The following ANKRD11 variants were observed in gnomAD, a reference collection of about 807,000 sequenced individuals.
The protein encoded by ANKRD11 is ankyrin repeat domain 11, also known as ankyrin repeat domain-containing protein 11.
A neutral mutation model predicts 195.7 loss-of-function variants in ANKRD11; 17 were observed. The observed-to-expected ratio is 0.09, with a 90% confidence interval of 0.06 to 0.13. The LOEUF is 0.13. Among genes scored for constraint, ANKRD11 ranks in the 10% least tolerant of loss-of-function variants. ANKRD11 has a pLI of 1.00. For synonymous variants in ANKRD11, 1,953 were observed against 1,528.1 expected (o/e 1.28, Z -6.49); for missense variants, 3,735 against 3,566.1 (o/e 1.05, Z -1.21).
At position 89,313,668 on chromosome 16, in the gene ANKRD11, C is replaced by T. The variant is rs1043150530; in HGVS notation, c.87+3265G>A. The T allele has an allele frequency of 1.9e-5, 23 of 1,196,992 alleles. No individual in the cohort carries two copies. The Middle Eastern group carries it at 4.4e-3, about 231-fold the overall frequency. 74.1% of individuals were successfully genotyped at this position (1,196,992 alleles called of 1,614,324 possible). On this transcript the variant is annotated intron_variant, in intron 3 of 12. Coordinates refer to ENST00000301030, the MANE Select transcript of ANKRD11 (RefSeq NM_013275.6). ...TTATGGTAGAAGACTGAGCAGAAAC[C>T]ATTTCAGCCTGTACCAGGAGAAGGC...
chr16:89,427,992 G>C (rs2042791926), intron 1 of ANKRD11, among the ~76,000 whole-genome samples: 2 of 151,732 alleles, frequency 1.3e-5, no homozygotes, highest in South Asian at 2.1e-4. Context: ...TGGATCACTT[G>C]AGGTCAGCAG....
At chr16:89,276,954 G>A (rs2151713526) in intron 9 of ANKRD11, among the ~76,000 whole-genome samples, 1 of 152,020 alleles carries the variant, frequency 6.6e-6, no homozygotes, top group South Asian at 2.1e-4. Flanking sequence ...TACTCAGGAG[G>A]CTGAGGCAGG....
intron 3 of ANKRD11, among the ~76,000 whole-genome samples, chr16:89,310,733 C>T (rs1957246158): frequency 6.6e-6 from 1 of 152,216 alleles, no homozygotes; most frequent in Admixed American, 6.5e-5. Flanking sequence ...AATTTCAGCC[C>T]TCTATTATTT....
intron 2 of ANKRD11, chr16:89,403,492 G>A (rs911482432): frequency 6.6e-6 from 1 of 152,130 alleles, no homozygotes; most frequent in Non-Finnish European, 1.5e-5. Flanking sequence ...CCCCCAGGAA[G>A]CCCACACATA....
chr16:89,425,172 T>A (rs1208221097), intron 1 of ANKRD11, among the ~76,000 whole-genome samples: 5 of 151,896 alleles, frequency 3.3e-5, no homozygotes, highest in Non-Finnish European at 7.4e-5. Context: ...ATCCTCACAA[T>A]AATCCCACAG....
At chr16:89,467,084 C>T (rs750779337) in intron 1 of ANKRD11, among the ~76,000 whole-genome samples, 6 of 152,080 alleles carry the variant, frequency 3.9e-5, no homozygotes, top group East Asian at 1.9e-4. Context: ...AGTGAGAAGG[C>T]GCAGGGAGAA....
intron 1 of ANKRD11, among the ~76,000 whole-genome samples, chr16:89,422,635 T>A (rs1362341389): frequency 6.6e-6 from 1 of 152,216 alleles, no homozygotes. Flanking sequence ...TGAGAGCTGC[T>A]TTACTCACTG....
Position 89,284,936 on chromosome 16 carries a change from G to A in ANKRD11, c.1606C>T (p.Pro536Ser), listed in dbSNP as rs370961682. 7 of 1,614,176 alleles carry A rather than the reference G, an allele frequency of 4.3e-6. No individual in the cohort carries two copies. Among genetic ancestry groups the A allele is most frequent in the Non-Finnish European group, 5.9e-6 (7 of 1,180,030 alleles). ...TTGGTGTGCTGGTCTGTGTGGCTGG[G>A]GTTCTGCTTCTGGGCGGCAGAGCTC... Reference protein sequence around the residue: ...HGSSAAQKQNPSHTDQHTKHW... With the variant: ...HGSSAAQKQNSSHTDQHTKHW... The change falls in exon 9 of 13, where the codon CCC (proline) becomes TCC (serine). Residue 536 changes from proline to serine, a missense_variant. Transcript: ENST00000301030.
intron 4 of ANKRD11, among the ~76,000 whole-genome samples, chr16:89,302,399 C>G (rs9939826): frequency 6.6e-6 from 1 of 152,168 alleles, no homozygotes; most frequent in Non-Finnish European, 1.5e-5. Context: ...ATTACAGGCA[C>G]CCGCCGCCAC....
chr16:89,462,283 C>T (rs2056706372), intron 1 of ANKRD11, among the ~76,000 whole-genome samples: 1 of 152,134 alleles, frequency 6.6e-6, no homozygotes, highest in Non-Finnish European at 1.5e-5. Flanking sequence ...GTTGGCCAGG[C>T]CGGTCTCCAG....
chr16:89,398,765 A>G (rs1047326467), intron 2 of ANKRD11, among the ~76,000 whole-genome samples: 1 of 151,832 alleles, frequency 6.6e-6, no homozygotes, highest in Non-Finnish European at 1.5e-5. Context: ...ATCCCAATAC[A>G]CTGTTAGTGT....
At position 89,270,822 on chromosome 16, in the gene ANKRD11, T is replaced by G. The variant is rs767216450; in HGVS notation, c.7801A>C (p.Met2601Leu). The stretch of plus-strand genomic sequence containing the variant: ...AGGGGACGCGCAACACCGACCTTCA[T>G]GCGGTCATACTTGTCATCCACGTCC... ...LQDVDDKYDRMKTCLLMRQQH... is the reference protein window; with the variant it reads ...LQDVDDKYDRLKTCLLMRQQH... The change falls in exon 12 of 13, where the codon ATG (methionine) becomes CTG (leucine). Residue 2601 changes from methionine (M) to leucine (L), a missense_variant. Coordinates refer to ENST00000301030, the MANE Select transcript of ANKRD11 (RefSeq NM_013275.6). The G allele has an allele frequency of 1.2e-5, 19 of 1,613,612 alleles. No individual in the cohort carries two copies. In the Admixed American group the frequency reaches 2.5e-4, roughly 21 times the overall value.
chr16:89,374,994 T>C (rs768530005), intron 2 of ANKRD11, among the ~76,000 whole-genome samples: 1 of 152,162 alleles, frequency 6.6e-6, no homozygotes, highest in Non-Finnish European at 1.5e-5. Context: ...TATCATTTCC[T>C]ACCATAAACT....
intron 11 of ANKRD11, chr16:89,271,197 G>A (rs2033121071): frequency 2.4e-5 from 12 of 492,014 alleles, no homozygotes; most frequent in South Asian, 2.4e-4. Flanking sequence ...TGCCCCCAGG[G>A]GACAGTCAGA....
chr16:89,472,817 A>G (rs2057133120), intron 1 of ANKRD11, among the ~76,000 whole-genome samples: 1 of 152,224 alleles, frequency 6.6e-6, no homozygotes. Context: ...GGGAGCAGAG[A>G]GCACCGCAAG....
chr16:89,472,541 A>G (rs1311798745), intron 1 of ANKRD11, among the ~76,000 whole-genome samples: 1 of 152,182 alleles, frequency 6.6e-6, no homozygotes, highest in Non-Finnish European at 1.5e-5. Flanking sequence ...TTTATTTGAG[A>G]TGAGCTCTTG....
intron 1 of ANKRD11, among the ~76,000 whole-genome samples, chr16:89,450,814 T>A (rs1388861088): frequency 6.6e-6 from 1 of 152,122 alleles, no homozygotes; most frequent in Non-Finnish European, 1.5e-5. Context: ...ACATTCTAAA[T>A]TCTATTTTGT....
chr16:89,293,715 T>C (rs2035230355), intron 4 of ANKRD11, among the ~76,000 whole-genome samples: 1 of 130,304 alleles, frequency 7.7e-6, no homozygotes, highest in Non-Finnish European at 1.6e-5. Flanking sequence ...AGGGAGGAGC[T>C]GGGGCAGAGG....
intron 1 of ANKRD11, among the ~76,000 whole-genome samples, chr16:89,449,809 G>A (rs1169037313): frequency 1.3e-5 from 2 of 152,106 alleles, no homozygotes; most frequent in Non-Finnish European, 2.9e-5. Context: ...AAAGAAAAGT[G>A]TGCATACCAA....
Sources: allele counts gnomAD v4.1 joint callset (sites outside exome capture counted in the v4.1 genomes callset), GRCh38; gene constraint gnomAD v4.1.1; transcripts MANE v1.5; gene names NCBI Gene and HGNC (gene_info 2026-07-23, HGNC 2026-07-21).